SUSD4: variants seen among roughly 807,000 people sequenced by gnomAD.
SUSD4 encodes sushi domain containing 4.
SUSD4 carries 41 observed loss-of-function variants against 50.5 expected under a neutral mutation model. That is an observed-to-expected ratio of 0.81 (90% confidence interval 0.63 to 1.05). The LOEUF (loss-of-function observed/expected upper bound fraction) is 1.05. Ranked by LOEUF, SUSD4 falls within the 50% of genes least tolerant of loss-of-function variation. The pLI, the probability that SUSD4 is intolerant of heterozygous loss-of-function variation, is 0.00. For missense variants in SUSD4, 580 were observed against 634.7 expected (o/e 0.91, Z 0.93); for synonymous variants, 257 against 257.3 (o/e 1.00, Z 0.01).
chr1:223,354,544 T>G (rs922631730), intron 2 of SUSD4, among the ~76,000 whole-genome samples: 1 of 152,146 alleles, frequency 6.6e-6, no homozygotes, highest in Non-Finnish European at 1.5e-5. Flanking sequence ...TTTGTGTAAG[T>G]ATAATTAAAA....
chr1:223,300,170 G>A (rs540882569), intron 2 of SUSD4, among the ~76,000 whole-genome samples: 1 of 152,150 alleles, frequency 6.6e-6, no homozygotes, highest in East Asian at 1.9e-4. Flanking sequence ...GTACCCCCTG[G>A]GGCTGACACA....
At chr1:223,263,048 T>C (rs1662231929) in intron 5 of SUSD4, among the ~76,000 whole-genome samples, 2 of 152,226 alleles carry the variant, frequency 1.3e-5, no homozygotes, top group Admixed American at 1.3e-4. Flanking sequence ...ATAAAGCTTA[T>C]CAGAACCTGA....
chr1:223,363,403 C>A lies in SUSD4; in HGVS notation c.23G>T (p.Ser8Ile). MYHGMNP[S>I]NGDGFLEQQQ... ...CTGCTCTAGAAATCCATCTCCATTG[C>A]TCGGGTTCATTCCATGATACATCTT... is the stretch of plus-strand genomic sequence containing the variant. Residue 8 changes from serine (S) to isoleucine (I), a missense_variant, in exon 2 of 9, where the codon AGC (serine) becomes ATC (isoleucine). By Grantham distance (142) the Ser-to-Ile change is moderately radical (BLOSUM62 -2). Coordinates refer to ENST00000366878, the MANE Select transcript of SUSD4 (RefSeq NM_017982.4). 1.9e-6 allele frequency: 3 copies of A among 1,568,976 alleles called. No homozygotes were observed. Among genetic ancestry groups the A allele is most frequent in the Non-Finnish European group, 2.6e-6 (3 of 1,156,466 alleles).
At chr1:223,278,920 G>A (rs935250556) in intron 3 of SUSD4, among the ~76,000 whole-genome samples, 8 of 152,160 alleles carry the variant, frequency 5.3e-5, no homozygotes, top group Non-Finnish European at 7.4e-5. Context: ...AATATTTGCC[G>A]TTCTGCAGCC....
chr1:223,319,183 C>T (rs1417352904), intron 2 of SUSD4, among the ~76,000 whole-genome samples: 3 of 87,158 alleles, frequency 3.4e-5, no homozygotes, highest in Admixed American at 1.4e-4. Context: ...AAATGTTAGA[C>T]CTAAAACCAT....
At chr1:223,290,085 A>G (rs977658110) in intron 3 of SUSD4, among the ~76,000 whole-genome samples, 1 of 152,234 alleles carries the variant, frequency 6.6e-6, no homozygotes, top group Non-Finnish European at 1.5e-5. Flanking sequence ...ACCTATAACA[A>G]TGTGATAAAT....
intron 2 of SUSD4, among the ~76,000 whole-genome samples, chr1:223,302,226 C>T (rs1260194981): frequency 1.3e-5 from 2 of 152,196 alleles, no homozygotes; most frequent in Non-Finnish European, 2.9e-5. Context: ...AAGCAAAAGC[C>T]TGTACAGCCT....
intron 2 of SUSD4, among the ~76,000 whole-genome samples, chr1:223,314,531 G>C (rs1352574374): frequency 6.6e-6 from 1 of 152,132 alleles, no homozygotes; most frequent in Non-Finnish European, 1.5e-5. Context: ...ATAGGGTTTG[G>C]CTGTGTCCCC....
In SUSD4 at chr1:223,242,704, G is replaced by A. The variant is rs1204488423; in HGVS notation, c.725-13316C>T. Among the ~76,000 whole-genome samples the A allele has an allele frequency of 7.9e-5, 12 of 152,288 alleles. 1 individual carries two copies. The South Asian group carries it at 2.1e-3, about 26-fold the overall frequency. ...CCTCACTCAGTTTCCCCATCTGTCC[G>A]ATGAAGAAAATAATACCCGCTCACT... On this transcript the variant is annotated intron_variant, in intron 5 of 8. Coordinates refer to ENST00000366878, the MANE Select transcript of SUSD4 (RefSeq NM_017982.4).
At chr1:223,289,174 C>T in intron 3 of SUSD4, 1 of 985,408 alleles carries the variant, frequency 1.0e-6, no homozygotes, top group South Asian at 4.7e-5. Context: ...TTTGCCAATT[C>T]TAGGGTCTCC....
chr1:223,269,806 C>T (rs1662780014), intron 3 of SUSD4, among the ~76,000 whole-genome samples: 1 of 152,116 alleles, frequency 6.6e-6, no homozygotes, highest in African/African-American at 2.4e-5. Context: ...ATCCATTCCC[C>T]AAATCCTACA....
At position 223,292,417 on chromosome 1, in the gene SUSD4, C is replaced by T. The variant is rs753019062; in HGVS notation, c.361+22G>A. The T allele has an allele frequency of 2.5e-5, 41 of 1,613,724 alleles. No individual in the cohort carries two copies. The South Asian group carries it at 3.3e-4, about 13-fold the overall frequency. ...CAACTTGAACCACATGAGTGGCTTC[C>T]GTGGAGAAGTAAGCACTTTACCTTC... On this transcript the variant is annotated intron_variant, in intron 3 of 8. Transcript: ENST00000366878.
chr1:223,221,874 C>T lies in SUSD4; in HGVS notation c.*318G>A, dbSNP rs1297542861. On this transcript the variant is annotated 3_prime_UTR_variant, in exon 9 of 9. Transcript: ENST00000366878. Reference sequence around the variant, plus strand: ...CCAGTCAATGGGATGCGTGATGATTCGGTGGGATGTGCGTGGAATTGTCCC... The same window carrying T: ...CCAGTCAATGGGATGCGTGATGATTTGGTGGGATGTGCGTGGAATTGTCCC... The T allele has an allele frequency of 2.1e-5, 6 of 285,834 alleles. No homozygotes were observed. Among genetic ancestry groups the T allele is most frequent in the Admixed American group, 1.0e-4 (2 of 19,434 alleles). The allele number at this position is 285,834 out of a possible 1,614,324, so 17.7% of individuals were successfully genotyped here.
chr1:223,322,846 A>G (rs1338380053), intron 2 of SUSD4, among the ~76,000 whole-genome samples: 2 of 152,234 alleles, frequency 1.3e-5, no homozygotes, highest in East Asian at 3.8e-4. Context: ...CAGGCATGGT[A>G]TTTTGAAAAT....
intron 2 of SUSD4, among the ~76,000 whole-genome samples, chr1:223,294,952 G>C (rs1664728421): frequency 6.6e-6 from 1 of 152,174 alleles, no homozygotes; most frequent in Non-Finnish European, 1.5e-5. Flanking sequence ...GGAAGGAAGG[G>C]CAATCTCATG....
intron 2 of SUSD4, among the ~76,000 whole-genome samples, chr1:223,350,863 G>T (rs1400545454): frequency 6.6e-6 from 1 of 152,086 alleles, no homozygotes; most frequent in Non-Finnish European, 1.5e-5. Flanking sequence ...TTGTAACTTG[G>T]TAGACAAAGG....
intron 5 of SUSD4, among the ~76,000 whole-genome samples, chr1:223,250,315 T>A (rs1558181493): frequency 6.6e-6 from 1 of 152,148 alleles, no homozygotes; most frequent in Non-Finnish European, 1.5e-5. Flanking sequence ...ACTAGCTACA[T>A]TACAGGCCAG....
intron 2 of SUSD4, among the ~76,000 whole-genome samples, chr1:223,293,992 C>T (rs533385832): frequency 2.6e-5 from 4 of 152,212 alleles, no homozygotes; most frequent in East Asian, 1.9e-4. Context: ...TAAGCCACAG[C>T]GAGGGCCAGG....
intron 2 of SUSD4, among the ~76,000 whole-genome samples, chr1:223,330,659 C>G (rs981523210): frequency 9.3e-4 from 142 of 152,214 alleles, no homozygotes; most frequent in African/African-American, 3.3e-3. Context: ...ATGTCTCCGG[C>G]CTCATGCAGC....
Sources: allele counts gnomAD v4.1 joint callset (sites outside exome capture counted in the v4.1 genomes callset), GRCh38; gene constraint gnomAD v4.1.1; transcripts MANE v1.5; gene names NCBI Gene and HGNC (gene_info 2026-07-23, HGNC 2026-07-21).